Variants in CDK18 observed in about 807,000 individuals in gnomAD.
CDK18 encodes cyclin dependent kinase 18.
Under a neutral mutation model 62.0 loss-of-function variants are expected in CDK18, and 52 were observed. The ratio of observed to expected loss-of-function variants is 0.84; its 90% confidence interval spans 0.67 to 1.06. CDK18 has a LOEUF of 1.06. Ranked by LOEUF, CDK18 falls within the 50% of genes least tolerant of loss-of-function variation. CDK18 has a pLI of 0.00. For synonymous variants in CDK18, 237 were observed against 247.0 expected, an observed-to-expected ratio of 0.96 and a Z score of 0.38; for missense variants, 604 against 619.9, an observed-to-expected ratio of 0.97 and a Z score of 0.27.
At chr1:205,530,083 A>T (rs1668660589) in intron 13 of CDK18, 176 bp from the exon 14 acceptor site, 1 of 1,433,174 alleles carries the variant, frequency 7.0e-7, no homozygotes, top group South Asian at 1.5e-5. Context: ...CCTTCCCCTG[A>T]GTCTTGAGAT....
At chr1:205,506,191 G>GACA (rs1400657888) in intron 1 of CDK18, among the ~76,000 whole-genome samples, 1 of 152,180 alleles carries the variant, frequency 6.6e-6, no homozygotes, top group East Asian at 1.9e-4. Context: ...AGTACAGGGC[G>GACA]ACACTGGCTC....
At chr1:205,509,524 T>C (rs1180963697) in intron 1 of CDK18, among the ~76,000 whole-genome samples, 1 of 152,192 alleles carries the variant, frequency 6.6e-6, no homozygotes, top group Non-Finnish European at 1.5e-5. Flanking sequence ...AGTAATTTGC[T>C]CACCCAGGTT....
In CDK18 at chr1:205,526,419, C is replaced by T. The variant is rs898000957; in HGVS notation, c.624C>T (p.Leu208=). 3 of 1,614,152 alleles carry T rather than the reference C, an allele frequency of 1.9e-6. No individual in the cohort carries two copies. The highest frequency in any genetic ancestry group is 2.5e-6 in the Non-Finnish European group (3 of 1,179,996). ...KHANIVTLHD[L]IHTDRSLTLV... The stretch of plus-strand genomic sequence containing the variant: ...CCAATATTGTGACCCTGCATGACCT[C>T]ATCCACACAGATCGGTCCCTCACCC... The change falls in exon 7 of 16, where the codon CTC becomes CTT. Residue 208 remains leucine, a synonymous_variant. Transcript: ENST00000429964.
At chr1:205,521,861 G>A (rs1053209603) in intron 1 of CDK18, among the ~76,000 whole-genome samples, 6 of 152,248 alleles carry the variant, frequency 3.9e-5, no homozygotes, top group Admixed American at 1.3e-4. Context: ...ACTAGGTGCT[G>A]GCCAGTCGCA....
chr1:205,529,278 C>A, intron 11 of CDK18, 46 bp from the exon 12 acceptor site: 1 of 1,553,152 alleles, frequency 6.4e-7, no homozygotes, highest in South Asian at 1.1e-5. Context: ...TCGGCCTTGG[C>A]CCTGGGCCTC....
intron 1 of CDK18, among the ~76,000 whole-genome samples, chr1:205,510,304 G>C (rs1267493003): frequency 6.6e-6 from 1 of 152,118 alleles, no homozygotes; most frequent in Non-Finnish European, 1.5e-5. Flanking sequence ...ACCAGCCCAG[G>C]AGGTGACAGG....
At chr1:205,520,434 C>G (rs1361922628) in intron 1 of CDK18, among the ~76,000 whole-genome samples, 1 of 152,196 alleles carries the variant, frequency 6.6e-6, no homozygotes, top group Non-Finnish European at 1.5e-5. Flanking sequence ...TGCTGTGGCT[C>G]ATGCCTGTAA....
At chr1:205,520,016 A>G (rs1288960671) in intron 1 of CDK18, among the ~76,000 whole-genome samples, 1 of 152,160 alleles carries the variant, frequency 6.6e-6, no homozygotes. Flanking sequence ...TCAGGGAGCC[A>G]AGTGCCTGCC....
rs1410908204 is a variant in CDK18 at position 205,524,247 on chromosome 1, C to T, written c.289C>T (p.Leu97Phe). Residue 97 changes from leucine to phenylalanine, a missense_variant, in exon 4 of 16, where the codon CTC becomes TTC. Leu to Phe is a conservative substitution (Grantham distance 22). Transcript: ENST00000429964. ...RFSMEDVSKR[L>F]SLPMDIRLPQ... ...GTCACCACAGGACGTCAGCAAGAGG[C>T]TCTCTCTGCCCATGGATATCCGCCT... The T allele has an allele frequency of 7.4e-6, 12 of 1,614,182 alleles. No individual in the cohort carries two copies. Among genetic ancestry groups the T allele is most frequent in the Non-Finnish European group, 9.3e-6 (11 of 1,180,002 alleles).
rs1668723478 is a variant in CDK18 at position 205,531,290 on chromosome 1, G to A, written c.1391-54G>A. On this transcript the variant is annotated intron_variant, in intron 15 of 15. Transcript: ENST00000429964. ...CAGCGACTGTCCCTGCTGACCTGGGGTACCCGTCAGCCCAGCCTCCTCCCT... is the reference window on the plus strand; with the variant it reads ...CAGCGACTGTCCCTGCTGACCTGGGATACCCGTCAGCCCAGCCTCCTCCCT... 1.2e-5 allele frequency: 19 copies of A among 1,558,318 alleles called. 1 individual carries two copies. The highest frequency in any genetic ancestry group is 1.7e-4 in the Middle Eastern group (1 of 5,954).
At position 205,527,622 on chromosome 1, in the gene CDK18, G is replaced by A; in HGVS notation, c.730-172G>A. On this transcript the variant is annotated intron_variant, in intron 8 of 15. Coordinates refer to ENST00000429964, the MANE Select transcript of CDK18 (RefSeq NM_212502.3). The surrounding 1 kb of genome is among the most constrained non-coding windows in gnomAD (Gnocchi z 4.1). ...TGCACCCCTGCTGTCCTCCCCTCTG[G>A]ATGGGATTCCCTGGTGTGGGTGGGG... 1 of 665,068 alleles carries A rather than the reference G, an allele frequency of 1.5e-6. No homozygotes were observed. The highest frequency in any genetic ancestry group is 2.7e-6 in the Non-Finnish European group (1 of 377,284). 41.2% of individuals were successfully genotyped at this position (665,068 alleles called of 1,614,324 possible). A position where few individuals can be genotyped will look rare whatever the true frequency, so the allele number is the denominator to read the frequency against.
chr1:205,517,787 T>C lies in CDK18; in HGVS notation c.-21-5360T>C, dbSNP rs1229687389. ...GCTGGTCCCAGCCACCATCAAGCTC[T>C]CTCCCCTGGGCCTCAGCAGCAGCCT... On this transcript the variant is annotated intron_variant, in intron 1 of 15. Transcript: ENST00000429964. The surrounding 1 kb of genome is among the most constrained non-coding windows in gnomAD (Gnocchi z 4.1). Among the ~76,000 whole-genome samples, 3 of 151,898 alleles carry C rather than the reference T, an allele frequency of 2.0e-5. No individual in the cohort carries two copies. The highest frequency in any genetic ancestry group is 4.4e-5 in the Non-Finnish European group (3 of 67,972).
rs1668619616 is a variant in CDK18, at chr1:205,529,390, C to T, written c.1139C>T (p.Pro380Leu). The change falls in exon 12 of 16, where the codon CCC becomes CTC. Residue 380 changes from proline (P) to leucine (L), a missense_variant. Pro to Leu is a moderately conservative substitution (Grantham distance 98). Transcript: ENST00000429964. ...AFSEFRTYSF[P>L]CYLPQPLINH... ...TCTGAGTTCCGCACCTACAGCTTCC[C>T]CTGCTACCTCCCGCAGCCGCTCATC... The T allele has an allele frequency of 4.3e-6, 7 of 1,613,972 alleles. No individual in the cohort carries two copies. In the Admixed American group the frequency reaches 6.7e-5, roughly 15 times the overall value.
chr1:205,524,225 A>G lies in CDK18; in HGVS notation c.274-7A>G. The G allele has an allele frequency of 1.9e-6, 3 of 1,614,050 alleles. No homozygotes were observed. The African/African-American group carries it at 4.0e-5, about 22-fold the overall frequency. ...GTGGTGTCCCCATCTCATCCCTGTC[A>G]CCACAGGACGTCAGCAAGAGGCTCT... On this transcript the variant is annotated splice_region_variant and splice_polypyrimidine_tract_variant and intron_variant, in intron 3 of 15. Transcript: ENST00000429964.
intron 1 of CDK18, among the ~76,000 whole-genome samples, chr1:205,513,187 T>C (rs922693950): frequency 2.0e-5 from 3 of 152,284 alleles, no homozygotes; most frequent in African/African-American, 7.2e-5. Flanking sequence ...CACAGGACAG[T>C]TGGGGAAGGA....
At chr1:205,522,571 A>C (rs1270255978) in intron 1 of CDK18, 1 of 152,256 alleles carries the variant, frequency 6.6e-6, no homozygotes, top group South Asian at 2.1e-4. Context: ...TGTCAGTATC[A>C]GAGGTGAAAT....
intron 1 of CDK18, among the ~76,000 whole-genome samples, chr1:205,505,852 GC>G (rs1667279868): frequency 2.0e-5 from 3 of 152,086 alleles, no homozygotes; most frequent in Admixed American, 2.0e-4. Context: ...GGAGTGAGAG[GC>G]CCTGGAACCT....
At chr1:205,529,127 C>T in intron 11 of CDK18, 31 bp downstream of exon 11, 1 of 1,527,008 alleles carries the variant, frequency 6.5e-7, no homozygotes, top group Non-Finnish European at 8.9e-7. Context: ...TCCCTCTCAC[C>T]ACCAGGGGGC....
At chr1:205,515,657 C>T (rs1463379513) in intron 1 of CDK18, among the ~76,000 whole-genome samples, 1 of 152,104 alleles carries the variant, frequency 6.6e-6, no homozygotes, top group Non-Finnish European at 1.5e-5. Context: ...TTCCATGACA[C>T]CAAACTGCAG....
Sources: gnomAD v4.1 joint callset for allele counts (sites outside exome capture counted in the v4.1 genomes callset) on GRCh38, gnomAD v4.1.1 for gene constraint, Gnocchi (gnomAD v3.1) non-coding constraint, MANE v1.5 for transcripts, NCBI Gene and HGNC (gene_info 2026-07-23, HGNC 2026-07-21) for gene names.